Variants in SGSM3 observed in about 807,000 individuals in gnomAD.
The protein encoded by SGSM3 is RUN and SH3 containing 3.
In SGSM3, 96 loss-of-function variants were observed where a neutral mutation model predicts 100.5. The observed-to-expected ratio is 0.96, with a 90% CI of 0.81 to 1.13. The LOEUF (loss-of-function observed/expected upper bound fraction) is 1.13, where lower values mean the gene tolerates loss of function less well. Among genes scored for constraint, SGSM3 ranks in the 50% most tolerant of loss-of-function variants. The pLI is 0.00. For synonymous variants in SGSM3, 483 were observed against 422.8 expected (o/e 1.14, Z -1.75); for missense variants, 1,001 against 1,015.8 (o/e 0.99, Z 0.20).
At chr22:40,397,198 TTTATATATAC>T (rs1214604283) in intron 1 of SGSM3, among the ~76,000 whole-genome samples, 1 of 152,162 alleles carries the variant, frequency 6.6e-6, no homozygotes, top group Non-Finnish European at 1.5e-5. Context: ...AAGTGGCGTG[TTTATATATAC>T]TTATATACAT....
chr22:40,408,284 T>A lies in SGSM3; in HGVS notation c.1637T>A (p.Ile546Asn). Residue 546 changes from isoleucine to asparagine, a missense_variant, in exon 16 of 22, where the codon ATC becomes AAC. Physicochemically the swap from Ile to Asn is moderately radical, Grantham distance 149 (BLOSUM62 -3). Transcript: ENST00000248929. ...ACCCATCCCTCCCATCAGTACTCCA[T>A]CGCGGGGGATGACTCGGTGACGGAG... The part of the protein sequence containing the change: ...VLDERSKEYS[I>N]AGDDSVTEGV... 1 of 1,613,336 alleles carries A rather than the reference T, an allele frequency of 6.2e-7. No homozygotes were observed. Among genetic ancestry groups the A allele is most frequent in the South Asian group, 1.1e-5 (1 of 91,048 alleles).
intron 4 of SGSM3, among the ~76,000 whole-genome samples, chr22:40,403,234 T>C (rs933726418): frequency 6.6e-6 from 1 of 152,176 alleles, no homozygotes; most frequent in African/African-American, 2.4e-5. Flanking sequence ...GTCATTAAAG[T>C]TGGTGTCTTT....
chr22:40,401,573 C>G lies in SGSM3; in HGVS notation c.8-20C>G, dbSNP rs777281427. 8 of 1,601,132 alleles carry G rather than the reference C, an allele frequency of 5.0e-6. No homozygotes were observed. The highest frequency in any genetic ancestry group is 6.8e-6 in the Non-Finnish European group (8 of 1,169,190). ...CCTCTGCATTTTCTTGATTGTTCTC[C>G]TGGTCCTCTTTGGTTTTAGGAAGCC... On this transcript the variant is annotated intron_variant, in intron 2 of 21. Transcript: ENST00000248929.
chr22:40,409,642 T>G, intron 21 of SGSM3, 40 bp from the exon 22 acceptor site: 2 of 1,613,322 alleles, frequency 1.2e-6, no homozygotes, highest in Non-Finnish European at 1.7e-6. Context: ...ACCCCAGCCA[T>G]GCCCAAGGCC....
At chr22:40,399,278 G>A (rs1403266886) in intron 1 of SGSM3, among the ~76,000 whole-genome samples, 1 of 151,886 alleles carries the variant, frequency 6.6e-6, no homozygotes, top group Admixed American at 6.6e-5. Flanking sequence ...GAGCCACCGC[G>A]CCCAGCCAAG....
In SGSM3 at chr22:40,401,639, C is replaced by G; in HGVS notation, c.54C>G (p.Ser18Arg). The G allele has an allele frequency of 2.5e-6, 4 of 1,613,392 alleles. No homozygotes were observed. The highest frequency in any genetic ancestry group is 3.4e-6 in the Non-Finnish European group (4 of 1,179,510). ...GCCCTTTCTCAGCCCTGACTCCGAG[C>G]ATATGGCCCCAGGAGATCTTGGCCA... ...ACGPFSALTP[S>R]IWPQEILAKY... Residue 18 changes from serine (S) to arginine (R), a missense_variant, in exon 3 of 22, where the codon AGC becomes AGG. By Grantham distance (110) the Ser-to-Arg change is moderately radical (BLOSUM62 -1). Transcript: ENST00000248929.
intron 1 of SGSM3, among the ~76,000 whole-genome samples, chr22:40,383,409 G>T (rs2047905001): frequency 6.6e-6 from 1 of 150,896 alleles, no homozygotes; most frequent in African/African-American, 2.4e-5. Context: ...GGAGCTCGCA[G>T]TGAGCCGAGA....
At chr22:40,391,721 C>A (rs2049381897) in intron 1 of SGSM3, among the ~76,000 whole-genome samples, 1 of 152,206 alleles carries the variant, frequency 6.6e-6, no homozygotes, top group Admixed American at 6.5e-5. Flanking sequence ...CCAGAGATTT[C>A]CTTTGCCCTG....
At chr22:40,405,597 T>G in intron 7 of SGSM3, 52 bp from the exon 8 acceptor site, 1 of 1,541,188 alleles carries the variant, frequency 6.5e-7, no homozygotes. Context: ...GCACCTTTTC[T>G]AATCTGCACA....
chr22:40,373,637 G>A (rs2045984928), intron 1 of SGSM3: 1 of 152,112 alleles, frequency 6.6e-6, no homozygotes, highest in Admixed American at 6.6e-5. Flanking sequence ...GTTTTTTTGA[G>A]ACATAGTCTC....
chr22:40,409,141 A>C, intron 19 of SGSM3, 109 bp from the exon 20 acceptor site: 3 of 1,557,290 alleles, frequency 1.9e-6, no homozygotes, highest in Non-Finnish European at 2.6e-6. Flanking sequence ...TCCTTCCCCA[A>C]AGAGGGTGGT....
At chr22:40,391,083 G>A (rs2049293483) in intron 1 of SGSM3, among the ~76,000 whole-genome samples, 1 of 152,202 alleles carries the variant, frequency 6.6e-6, no homozygotes, top group South Asian at 2.1e-4. Flanking sequence ...AGAAAGGCTT[G>A]TTAGAGGAGG....
chr22:40,371,661 G>A (rs2045509697), intron 1 of SGSM3, among the ~76,000 whole-genome samples: 1 of 151,262 alleles, frequency 6.6e-6, no homozygotes, highest in African/African-American at 2.4e-5. Flanking sequence ...CACTATTTCT[G>A]TTCTTGGTGA....
intron 1 of SGSM3, among the ~76,000 whole-genome samples, chr22:40,372,120 C>A (rs866595625): frequency 4.3e-4 from 52 of 120,232 alleles, no homozygotes; most frequent in South Asian, 1.5e-3. Context: ...TGTCCCCCCC[C>A]CCTTTTTTTT....
chr22:40,375,785 C>T (rs2046449851), intron 1 of SGSM3, among the ~76,000 whole-genome samples: 1 of 151,840 alleles, frequency 6.6e-6, no homozygotes, highest in Non-Finnish European at 1.5e-5. Flanking sequence ...TGTCTGTAAT[C>T]CCAGCACTTT....
chr22:40,377,963 C>G (rs1479760737), intron 1 of SGSM3, among the ~76,000 whole-genome samples: 1 of 152,084 alleles, frequency 6.6e-6, no homozygotes, highest in Non-Finnish European at 1.5e-5. Context: ...CAAAGTACCC[C>G]TAAAAAGACC....
intron 20 of SGSM3, 39 bp from the exon 21 acceptor site, chr22:40,409,426 G>A: frequency 6.4e-7 from 1 of 1,568,214 alleles, no homozygotes; most frequent in Non-Finnish European, 8.7e-7. Context: ...GGGCTAGCTG[G>A]GGGTGACAAG....
At chr22:40,391,827 G>A (rs1277142937) in intron 1 of SGSM3, among the ~76,000 whole-genome samples, 1 of 152,182 alleles carries the variant, frequency 6.6e-6, no homozygotes. Flanking sequence ...TGTGCAGAGT[G>A]CCCAGAAGTG....
chr22:40,392,800 CA>C (rs1389000336), intron 1 of SGSM3, among the ~76,000 whole-genome samples: 1 of 152,152 alleles, frequency 6.6e-6, no homozygotes, highest in Non-Finnish European at 1.5e-5. Context: ...TACATTAGCC[CA>C]AAAGAAAACT....
Sources: gnomAD v4.1 joint callset for allele counts (sites outside exome capture counted in the v4.1 genomes callset) on GRCh38, gnomAD v4.1.1 for gene constraint, MANE v1.5 for transcripts, NCBI Gene and HGNC (gene_info 2026-07-23, HGNC 2026-07-21) for gene names.